PDE9A: variants seen among roughly 807,000 people sequenced by gnomAD.
PDE9A encodes the protein high affinity cGMP-specific 3',5'-cyclic phosphodiesterase 9A.
PDE9A carries 60 observed loss-of-function variants against 87.4 expected under a neutral mutation model. The observed-to-expected ratio is 0.69, with a 90% CI of 0.56 to 0.85. The LOEUF (loss-of-function observed/expected upper bound fraction) is 0.85, where lower values mean the gene tolerates loss of function less well. Ranked by LOEUF, PDE9A falls within the 40% of genes least tolerant of loss-of-function variation. The pLI, the probability that PDE9A is intolerant of heterozygous loss-of-function variation, is 0.00. For missense variants in PDE9A, 665 were observed against 779.0 expected (o/e 0.85, Z 1.74); for synonymous variants, 272 against 279.4 (o/e 0.97, Z 0.27).
rs970111134 is a variant in PDE9A, at chr21:42,699,036, A to G, written c.262+25A>G. On this transcript the variant is annotated intron_variant, in intron 4 of 19. Coordinates refer to ENST00000291539, the MANE Select transcript of PDE9A (RefSeq NM_002606.3). ...GGTAAGGCCCTGCTGTCGTTTTTTA[A>G]ACTAAAAGAAGGAAAAAGAAATCTT... 27 of 1,551,584 alleles carry G rather than the reference A, an allele frequency of 1.7e-5. No homozygotes were observed. The African/African-American group carries it at 1.8e-4, about 10-fold the overall frequency.
chr21:42,714,103 C>T (rs1393551726), intron 4 of PDE9A, among the ~76,000 whole-genome samples: 2 of 144,512 alleles, frequency 1.4e-5, no homozygotes, highest in African/African-American at 5.2e-5. Flanking sequence ...ACTGCAAGCT[C>T]CACCTCCCGG....
intron 4 of PDE9A, among the ~76,000 whole-genome samples, chr21:42,711,961 C>G (rs1264239597): frequency 6.6e-6 from 1 of 152,128 alleles, no homozygotes; most frequent in East Asian, 1.9e-4. Flanking sequence ...TTACTGTGCC[C>G]TGGAATCAGG....
Position 42,686,280 on chromosome 21 carries a change from G to T in PDE9A, c.140+18G>T, listed in dbSNP as rs1223131292. On this transcript the variant is annotated intron_variant, in intron 2 of 19. Coordinates refer to ENST00000291539, the MANE Select transcript of PDE9A (RefSeq NM_002606.3). ...CTGCCTCGGTGAGTGCGCGCTGCGGGCTCTGCCCGGTGACGCCACGCGGCC... is the reference window on the plus strand; with the variant it reads ...CTGCCTCGGTGAGTGCGCGCTGCGGTCTCTGCCCGGTGACGCCACGCGGCC... The T allele has an allele frequency of 6.2e-7, 1 of 1,603,916 alleles. No individual in the cohort carries two copies. Among genetic ancestry groups the T allele is most frequent in the African/African-American group, 1.3e-5 (1 of 74,738 alleles).
rs549206937 is a variant in PDE9A at position 42,660,907 on chromosome 21, G to A, written c.69+7024G>A. 1.8e-4 allele frequency among the ~76,000 whole-genome samples: 28 copies of A among 152,140 alleles called. No individual in the cohort carries two copies. In the South Asian group the frequency reaches 5.2e-3, roughly 28 times the overall value. On this transcript the variant is annotated intron_variant, in intron 1 of 19. Coordinates refer to ENST00000291539, the MANE Select transcript of PDE9A (RefSeq NM_002606.3). The surrounding 1 kb of genome is among the most constrained non-coding windows in gnomAD (Gnocchi z 4.7). ...CCCTGACCACATCTCCCCAAATCCC[G>A]AAGCTGGTCACGCAACGGGAGCATT...
chr21:42,687,812 TG>T, intron 2 of PDE9A, 104 bp from the exon 3 acceptor site: 1 of 968,972 alleles, frequency 1.0e-6, no homozygotes, highest in Non-Finnish European at 1.6e-6. Flanking sequence ...AGGCTGGTCC[TG>T]GGACTGTCCT....
chr21:42,731,079 T>C (rs2051679332), intron 4 of PDE9A, among the ~76,000 whole-genome samples: 1 of 152,166 alleles, frequency 6.6e-6, no homozygotes, highest in Non-Finnish European at 1.5e-5. Flanking sequence ...TGCCTCAGCC[T>C]CCCGAGTACC....
At chr21:42,756,894 T>G (rs147889719) in intron 10 of PDE9A, 16 of 152,484 alleles carry the variant, frequency 1.0e-4, no homozygotes, top group Non-Finnish European at 2.1e-4. Context: ...GCCACATAAA[T>G]GGCACCAAGT....
intron 1 of PDE9A, among the ~76,000 whole-genome samples, chr21:42,655,036 C>G (rs1569084776): frequency 6.6e-6 from 1 of 152,200 alleles, no homozygotes; most frequent in Non-Finnish European, 1.5e-5. Flanking sequence ...GGGACTGTAA[C>G]AGCCTCCTTT....
intron 1 of PDE9A, among the ~76,000 whole-genome samples, chr21:42,657,485 T>C (rs1041644438): frequency 6.6e-6 from 1 of 152,230 alleles, no homozygotes; most frequent in Admixed American, 6.5e-5. Flanking sequence ...GATTCGTTTT[T>C]TCCTTTCCTC....
chr21:42,771,624 G>A (rs552172019), intron 18 of PDE9A, among the ~76,000 whole-genome samples: 2 of 152,324 alleles, frequency 1.3e-5, no homozygotes, highest in South Asian at 2.1e-4. Flanking sequence ...CCACCACCCC[G>A]TCTTTTCTGC....
At chr21:42,671,731 G>A (rs990684859) in intron 1 of PDE9A, among the ~76,000 whole-genome samples, 1 of 152,106 alleles carries the variant, frequency 6.6e-6, no homozygotes, top group Non-Finnish European at 1.5e-5. Flanking sequence ...TGGGTAATAA[G>A]AAAAAACAAT....
intron 4 of PDE9A, among the ~76,000 whole-genome samples, chr21:42,716,080 T>C (rs1400523137): frequency 6.6e-6 from 1 of 151,930 alleles, no homozygotes; most frequent in African/African-American, 2.4e-5. Context: ...CATCTTAGCA[T>C]TGAAGCATAT....
intron 1 of PDE9A, among the ~76,000 whole-genome samples, chr21:42,662,944 A>C (rs1267107801): frequency 6.7e-6 from 1 of 148,700 alleles, no homozygotes; most frequent in Non-Finnish European, 1.5e-5. Context: ...CACACCACGC[A>C]CACGCACATC....
chr21:42,689,720 C>A (rs2059685455), intron 3 of PDE9A: 6 of 985,332 alleles, frequency 6.1e-6, no homozygotes, highest in Non-Finnish European at 7.2e-6. Context: ...ACACACCAGA[C>A]AAAAGCCCTC....
At chr21:42,657,291 C>G (rs577093870) in intron 1 of PDE9A, among the ~76,000 whole-genome samples, 1 of 152,234 alleles carries the variant, frequency 6.6e-6, no homozygotes. Flanking sequence ...CAGATCAGGA[C>G]TTGGCACTTC....
chr21:42,737,357 C>T (rs905451276), intron 7 of PDE9A, among the ~76,000 whole-genome samples: 2 of 152,240 alleles, frequency 1.3e-5, no homozygotes, highest in Admixed American at 6.5e-5. Flanking sequence ...CACCCAGGCA[C>T]GTGCAGATAC....
At chr21:42,747,681 G>A (rs1454081003) in intron 8 of PDE9A, among the ~76,000 whole-genome samples, 2 of 152,346 alleles carry the variant, frequency 1.3e-5, no homozygotes, top group African/African-American at 4.8e-5. Flanking sequence ...AGGGGCAGGG[G>A]CAGGTCTACC....
At position 42,660,286 on chromosome 21, in the gene PDE9A, T is replaced by C. The variant is rs1300725590; in HGVS notation, c.69+6403T>C. Among the ~76,000 whole-genome samples the C allele has an allele frequency of 6.6e-6, 1 of 152,126 alleles. No individual in the cohort carries two copies. The highest frequency in any genetic ancestry group is 2.4e-5 in the African/African-American group (1 of 41,438). ...ACAAAGCGTGTCTGCACTCCTTGGC[T>C]TTCTCCCCAGACAAACCCACCCTGA... On this transcript the variant is annotated intron_variant, in intron 1 of 19. Transcript: ENST00000291539. This position sits in a 1 kb window ranked among gnomAD's most constrained non-coding sequence, Gnocchi z 4.7.
intron 4 of PDE9A, among the ~76,000 whole-genome samples, chr21:42,700,042 C>T (rs949662974): frequency 1.6e-4 from 24 of 152,150 alleles, no homozygotes; most frequent in African/African-American, 5.6e-4. Flanking sequence ...CAGTGTGTCT[C>T]AGTCCACAAC....
Sources: gnomAD v4.1 joint callset for allele counts (sites outside exome capture counted in the v4.1 genomes callset) on GRCh38, gnomAD v4.1.1 for gene constraint, Gnocchi (gnomAD v3.1) non-coding constraint, MANE v1.5 for transcripts, NCBI Gene and HGNC (gene_info 2026-07-23, HGNC 2026-07-21) for gene names.